HEATR5B: variants seen among roughly 807,000 people sequenced by gnomAD.
HEATR5B encodes the protein HEAT repeat-containing protein 5B.
In HEATR5B, 156 loss-of-function variants were observed where a neutral mutation model predicts 224.1. That is an observed-to-expected ratio of 0.70 (90% confidence interval 0.61 to 0.80). The LOEUF (loss-of-function observed/expected upper bound fraction) is 0.80, where lower values mean the gene tolerates loss of function less well. HEATR5B is among the 30% of genes least tolerant of loss of function. The probability of loss-of-function intolerance (pLI) is 0.00; values close to 1 mark genes in which losing one functional copy is unlikely to be tolerated. For missense variants in HEATR5B, 2,323 were observed against 2,535.5 expected (o/e 0.92, Z 1.80); for synonymous variants, 1,027 against 893.0 (o/e 1.15, Z -2.68).
At chr2:36,989,871 A>C (rs577181698) in intron 34 of HEATR5B, among the ~76,000 whole-genome samples, 2 of 151,310 alleles carry the variant, frequency 1.3e-5, no homozygotes, top group Non-Finnish European at 2.9e-5. Context: ...AGATTCAGGA[A>C]GACAGTACTG....
At chr2:37,028,969 C>A in intron 22 of HEATR5B, 49 bp from the exon 23 acceptor site, 1 of 1,567,396 alleles carries the variant, frequency 6.4e-7, no homozygotes, top group Non-Finnish European at 8.7e-7. Context: ...TTGGTGTACG[C>A]TATAGGTAAC....
rs138513431 is a variant in HEATR5B at position 37,003,645 on chromosome 2, T to C, written c.4947A>G (p.Leu1649=). 322 of 1,612,464 alleles carry C rather than the reference T, an allele frequency of 2.0e-4. No homozygotes were observed. In the East Asian group the frequency reaches 4.2e-3, roughly 21 times the overall value. ...GGACAGATGATGGATTCCAGGTCAATAGAAGGCGGTGCAAAACACTCAGCA... is the reference window on the plus strand; with the variant it reads ...GGACAGATGATGGATTCCAGGTCAACAGAAGGCGGTGCAAAACACTCAGCA... ...VELLSVLHRL[L]LTWNPSSVQL... The change falls in exon 31 of 36, where the codon CTA becomes CTG. Residue 1649 remains leucine, a synonymous_variant. Coordinates refer to ENST00000233099, the MANE Select transcript of HEATR5B (RefSeq NM_019024.3).
At chr2:37,007,816 C>G (rs1443487136) in intron 28 of HEATR5B, among the ~76,000 whole-genome samples, 1 of 152,200 alleles carries the variant, frequency 6.6e-6, no homozygotes, top group East Asian at 1.9e-4. Flanking sequence ...AGTTTTCCAG[C>G]CTTTCCTCTG....
At chr2:37,021,256 G>A (rs1192018226) in intron 24 of HEATR5B, among the ~76,000 whole-genome samples, 1 of 152,282 alleles carries the variant, frequency 6.6e-6, no homozygotes, top group African/African-American at 2.4e-5. Flanking sequence ...ACTGAGTCTT[G>A]CAATACTGCC....
intron 2 of HEATR5B, among the ~76,000 whole-genome samples, chr2:37,082,052 CTTTTTTTTTTT>C (rs61036576): frequency 0.032 from 765 of 23,934 alleles, 21 homozygotes; most frequent in African/African-American, 0.1. Flanking sequence ...GAAGTATCTA[CTTTTTTTTTTT>C]TTTTTTTTTT....
Position 37,084,326 on chromosome 2 carries a change from G to C in HEATR5B, c.-80C>G, listed in dbSNP as rs187302894. 4.9e-6 allele frequency: 2 copies of C among 406,962 alleles called. No homozygotes were observed. The highest frequency in any genetic ancestry group is 2.8e-4 in the South Asian group (2 of 7,174). 25.2% of individuals were successfully genotyped at this position (406,962 alleles called of 1,614,324 possible). On this transcript the variant is annotated 5_prime_UTR_variant, in exon 1 of 36. Coordinates refer to ENST00000233099, the MANE Select transcript of HEATR5B (RefSeq NM_019024.3). ...CCGGGGGTAGAAGCAGCCACCAAGA[G>C]ACCCGGATGCCCCACCTCCCGCACT...
chr2:37,035,598 A>C (rs1050219315), intron 21 of HEATR5B, among the ~76,000 whole-genome samples: 1 of 151,902 alleles, frequency 6.6e-6, no homozygotes, highest in Non-Finnish European at 1.5e-5. Flanking sequence ...CCACTCTTCT[A>C]CTCCACTTAG....
rs1284160763 is a variant in HEATR5B, at chr2:37,003,646, A to G, written c.4946T>C (p.Leu1649Pro). The G allele has an allele frequency of 6.2e-7, 1 of 1,612,504 alleles. No homozygotes were observed. Among genetic ancestry groups the G allele is most frequent in the Non-Finnish European group, 8.5e-7 (1 of 1,178,952 alleles). ...GACAGATGATGGATTCCAGGTCAAT[A>G]GAAGGCGGTGCAAAACACTCAGCAA... The part of the protein sequence containing the change: ...VELLSVLHRL[L>P]LTWNPSSVQL... Residue 1649 changes from leucine to proline, a missense_variant, in exon 31 of 36, where the codon CTA (leucine) becomes CCA (proline). By Grantham distance (98) the Leu-to-Pro change is moderately conservative (BLOSUM62 -3). This residue lies in a region of HEATR5B where 844 missense variants were observed against 812.9 expected (regional missense o/e 1.04). Coordinates refer to ENST00000233099, the MANE Select transcript of HEATR5B (RefSeq NM_019024.3).
At chr2:37,042,695 C>G (rs751935911) in intron 18 of HEATR5B, among the ~76,000 whole-genome samples, 2 of 152,010 alleles carry the variant, frequency 1.3e-5, no homozygotes, top group African/African-American at 4.8e-5. Context: ...AGTTCATGAC[C>G]AGCCTGGCCA....
At chr2:36,981,872 G>A (rs1255482378) in intron 35 of HEATR5B, 78 bp from the exon 36 acceptor site, 1 of 1,049,036 alleles carries the variant, frequency 9.5e-7, no homozygotes, top group Non-Finnish European at 1.4e-6. Flanking sequence ...AATTGCCATG[G>A]AAGACTGAAC....
Position 36,990,656 on chromosome 2 carries a change from C to T in HEATR5B, c.5689G>A (p.Asp1897Asn), listed in dbSNP as rs755402788. Residue 1897 changes from aspartate (D) to asparagine (N), a missense_variant, in exon 34 of 36, where the codon GAC becomes AAC. This residue lies in a region of HEATR5B where 844 missense variants were observed against 812.9 expected (regional missense o/e 1.04). Transcript: ENST00000233099. The stretch of plus-strand genomic sequence containing the variant: ...TGTAACGTGTAACTTACCCATGGGT[C>T]GCATGAATTTAATGCATTTTTAAAT... ...NRFKNALNSC[D>N]PWVQAKCYQL... 1.0e-5 allele frequency: 16 copies of T among 1,584,092 alleles called. No individual in the cohort carries two copies. Among genetic ancestry groups the T allele is most frequent in the African/African-American group, 1.4e-5 (1 of 73,850 alleles).
At chr2:37,058,817 C>A in intron 13 of HEATR5B, 71 bp downstream of exon 13, 2 of 971,442 alleles carry the variant, frequency 2.1e-6, no homozygotes, top group Non-Finnish European at 1.5e-6. Flanking sequence ...GAAGAAAGCA[C>A]AAAATATGGC....
chr2:36,981,897 G>A, intron 35 of HEATR5B, 103 bp from the exon 36 acceptor site: 1 of 770,898 alleles, frequency 1.3e-6, no homozygotes, highest in Non-Finnish European at 2.0e-6. Flanking sequence ...TAAAATATAA[G>A]TACACATGCA....
chr2:36,991,253 G>A (rs1268670244), intron 33 of HEATR5B, among the ~76,000 whole-genome samples: 2 of 152,096 alleles, frequency 1.3e-5, no homozygotes. Context: ...TCGGTTGGGT[G>A]CAGTGGCTCA....
chr2:36,990,627 T>G, intron 34 of HEATR5B, 21 bp downstream of exon 34: 1 of 1,523,782 alleles, frequency 6.6e-7, no homozygotes, highest in Non-Finnish European at 8.8e-7. Context: ...TTTATCTATG[T>G]CTGTGTAACG....
intron 15 of HEATR5B, 130 bp downstream of exon 15, chr2:37,057,187 C>T (rs1264183340): frequency 5.0e-6 from 3 of 598,134 alleles, no homozygotes; most frequent in Non-Finnish European, 7.9e-6. Context: ...AGGATGCCAT[C>T]TTTAAGTGTC....
At position 37,049,644 on chromosome 2, in the gene HEATR5B, C is replaced by A. The variant is rs1670413735; in HGVS notation, c.2696+9G>T. ...CACATGAAACTTGTTAGTAAAGAAA[C>A]CCACTTACTTGTCAAAGCTATATTG... On this transcript the variant is annotated intron_variant, in intron 18 of 35. Coordinates refer to ENST00000233099, the MANE Select transcript of HEATR5B (RefSeq NM_019024.3). 2 of 1,607,348 alleles carry A rather than the reference C, an allele frequency of 1.2e-6. No individual in the cohort carries two copies. The highest frequency in any genetic ancestry group is 1.7e-5 in the Admixed American group (1 of 58,168).
At chr2:37,083,232 C>G (rs1672728188) in intron 2 of HEATR5B, 57 bp downstream of exon 2, 1 of 1,595,014 alleles carries the variant, frequency 6.3e-7, no homozygotes, top group East Asian at 2.2e-5. Flanking sequence ...TCTTAAGAAT[C>G]ATGACCACAT....
chr2:37,049,588 T>C, intron 18 of HEATR5B, 65 bp downstream of exon 18: 3 of 1,369,422 alleles, frequency 2.2e-6, no homozygotes, highest in Non-Finnish European at 3.1e-6. Flanking sequence ...TAAACTCCAG[T>C]TGATTATTAT....
Sources: gnomAD v4.1 joint callset for allele counts (sites outside exome capture counted in the v4.1 genomes callset) on GRCh38, gnomAD v4.1.1 for gene constraint, gnomAD v4.1.1 regional missense constraint, MANE v1.5 for transcripts, NCBI Gene and HGNC (gene_info 2026-07-23, HGNC 2026-07-21) for gene names.